BTBD9: variants seen among roughly 807,000 people sequenced by gnomAD.
BTBD9 encodes the protein BTB/POZ domain-containing protein 9.
A neutral mutation model predicts 64.3 loss-of-function variants in BTBD9; 49 were observed. The ratio of observed to expected loss-of-function variants is 0.76; its 90% CI spans 0.61 to 0.97. BTBD9 has a LOEUF of 0.97. Among genes scored for constraint, BTBD9 ranks in the 50% least tolerant of loss-of-function variants. The pLI is 0.00. For missense variants in BTBD9, 598 were observed against 762.1 expected, an observed-to-expected ratio of 0.78 and a Z score of 2.53; for synonymous variants, 260 against 274.7, an observed-to-expected ratio of 0.95 and a Z score of 0.53.
chr6:38,574,744 G>A (rs1330816309), intron 6 of BTBD9, among the ~76,000 whole-genome samples: 2 of 152,070 alleles, frequency 1.3e-5, no homozygotes, highest in East Asian at 3.9e-4. Flanking sequence ...AGGCACAATC[G>A]TATTACAACA....
At position 38,288,309 on chromosome 6, in the gene BTBD9, C is replaced by G. The variant is rs895274493; in HGVS notation, c.1417G>C (p.Val473Leu). 2 of 1,614,120 alleles carry G rather than the reference C, an allele frequency of 1.2e-6. No homozygotes were observed. The highest frequency in any genetic ancestry group is 2.2e-5 in the South Asian group (2 of 91,070). ...CHQLGSGAIV[V>L]QLAQPYMIGS... ...ATCATGTACGGTTGTGCCAACTGAA[C>G]CACAATCGCACCACTTCCTAGCTGG... The change falls in exon 8 of 11, where the codon GTT becomes CTT. Residue 473 changes from valine (V) to leucine (L), a missense_variant. Coordinates refer to ENST00000481247, the MANE Select transcript of BTBD9 (RefSeq NM_001099272.2).
At chr6:38,465,834 CTTTTTTTT>C (rs368219474) in intron 6 of BTBD9, among the ~76,000 whole-genome samples, 1 of 69,628 alleles carries the variant, frequency 1.4e-5, no homozygotes, top group Non-Finnish European at 2.7e-5. Flanking sequence ...TTCTTTTTTC[CTTTTTTTT>C]TTTTTTTTGA....
chr6:38,537,630 G>C (rs1048440814), intron 6 of BTBD9, among the ~76,000 whole-genome samples: 4 of 152,178 alleles, frequency 2.6e-5, no homozygotes, highest in Admixed American at 6.5e-5. Context: ...CCAAGGTATT[G>C]ACAATATGAC....
chr6:38,235,265 C>A (rs910211975), intron 9 of BTBD9, among the ~76,000 whole-genome samples: 2 of 152,188 alleles, frequency 1.3e-5, no homozygotes, highest in African/African-American at 4.8e-5. Flanking sequence ...CATACGTTTC[C>A]TGCAGGTAGA....
At chr6:38,542,450 C>T (rs557042517) in intron 6 of BTBD9, among the ~76,000 whole-genome samples, 5 of 152,220 alleles carry the variant, frequency 3.3e-5, no homozygotes, top group South Asian at 4.2e-4. Flanking sequence ...TCATGTTTGT[C>T]ATTACCACCC....
At chr6:38,476,156 T>G (rs1287807177) in intron 6 of BTBD9, among the ~76,000 whole-genome samples, 1 of 152,220 alleles carries the variant, frequency 6.6e-6, no homozygotes, top group African/African-American at 2.4e-5. Context: ...AAAGTAGTTT[T>G]TAAGCTTAAC....
intron 7 of BTBD9, among the ~76,000 whole-genome samples, chr6:38,291,740 A>G (rs1423603424): frequency 2.6e-5 from 4 of 152,076 alleles, no homozygotes; most frequent in Non-Finnish European, 4.4e-5. Context: ...TTCTGCGTCT[A>G]TTGAGATAAT....
At position 38,345,020 on chromosome 6, in the gene BTBD9, T is replaced by C. The variant is rs1329982951; in HGVS notation, c.1228A>G (p.Thr410Ala). The C allele has an allele frequency of 6.2e-7, 1 of 1,610,382 alleles. No individual in the cohort carries two copies. The highest frequency in any genetic ancestry group is 1.7e-5 in the Admixed American group (1 of 59,988). Residue 410 changes from threonine (T) to alanine (A), a missense_variant, in exon 7 of 11, where the codon ACA becomes GCA. Thr to Ala is a moderately conservative substitution (Grantham distance 58). Coordinates refer to ENST00000481247, the MANE Select transcript of BTBD9 (RefSeq NM_001099272.2). The stretch of plus-strand genomic sequence containing the variant: ...TTCTCAAGAGTGAAGGTTTTGTTTG[T>C]AAACATACATTCAAAAGCCACAATG... Reference protein sequence around the residue: ...FHIVAFECMFTNKTFTLEKGL... With the variant: ...FHIVAFECMFANKTFTLEKGL...
intron 6 of BTBD9, among the ~76,000 whole-genome samples, chr6:38,513,732 T>A (rs1381616823): frequency 6.6e-6 from 1 of 152,112 alleles, no homozygotes; most frequent in African/African-American, 2.4e-5. Flanking sequence ...CAAGCAAAAG[T>A]ACCAATGCCA....
At chr6:38,593,125 A>T (rs1176138490) in intron 3 of BTBD9, among the ~76,000 whole-genome samples, 2 of 152,222 alleles carry the variant, frequency 1.3e-5, no homozygotes, top group African/African-American at 4.8e-5. Flanking sequence ...AAAAAGAAAA[A>T]CGCCAAAGTG....
At position 38,349,618 on chromosome 6, in the gene BTBD9, T is replaced by C. The variant is rs184887115; in HGVS notation, c.1155-4525A>G. On this transcript the variant is annotated intron_variant, in intron 6 of 10. Transcript: ENST00000481247. ...AAACTTTACCATAGGTATGCATGCATAGGAAAACATACAGTATATATAAGG... is the reference window on the plus strand; with the variant it reads ...AAACTTTACCATAGGTATGCATGCACAGGAAAACATACAGTATATATAAGG... 4.2e-3 allele frequency among the ~76,000 whole-genome samples: 636 copies of C among 152,216 alleles called. 6 individuals carry two copies. Among genetic ancestry groups the C allele is most frequent in the African/African-American group, 0.015 (614 of 41,534 alleles).
chr6:38,193,995 T>A (rs932601164), intron 9 of BTBD9: 2 of 688,318 alleles, frequency 2.9e-6, no homozygotes, highest in African/African-American at 3.9e-5. Context: ...AATCACTGTC[T>A]CCATAAAAAT....
chr6:38,207,037 T>A (rs745538409), intron 9 of BTBD9, among the ~76,000 whole-genome samples: 23 of 152,204 alleles, frequency 1.5e-4, no homozygotes, highest in Non-Finnish European at 7.3e-5. Flanking sequence ...TCCCTTATAC[T>A]ACTTTAATTT....
chr6:38,589,794 TC>T (rs1377767517), intron 4 of BTBD9, among the ~76,000 whole-genome samples: 1 of 152,214 alleles, frequency 6.6e-6, no homozygotes, highest in Non-Finnish European at 1.5e-5. Context: ...TTTCTTGACC[TC>T]CCTATCGTGA....
intron 6 of BTBD9, among the ~76,000 whole-genome samples, chr6:38,540,637 T>A (rs1458935385): frequency 2.0e-5 from 3 of 152,168 alleles, no homozygotes; most frequent in African/African-American, 7.2e-5. Flanking sequence ...TTTTAAGTAC[T>A]AAACAAAGGC....
At chr6:38,311,916 C>T (rs1243646303) in intron 7 of BTBD9, among the ~76,000 whole-genome samples, 2 of 151,888 alleles carry the variant, frequency 1.3e-5, no homozygotes, top group Non-Finnish European at 1.5e-5. Context: ...GGCTGGAGTG[C>T]GGTGGCGCGA....
chr6:38,453,198 G>A (rs1293295192), intron 6 of BTBD9, among the ~76,000 whole-genome samples: 3 of 152,110 alleles, frequency 2.0e-5, no homozygotes, highest in East Asian at 3.8e-4. Flanking sequence ...ACCACTAATA[G>A]AGTTTAGTAT....
chr6:38,209,992 T>C (rs2127498462), intron 9 of BTBD9, among the ~76,000 whole-genome samples: 1 of 152,292 alleles, frequency 6.6e-6, no homozygotes, highest in East Asian at 1.9e-4. Context: ...CGCCAGCTCC[T>C]CATATTCTAA....
At chr6:38,299,342 C>T (rs957018282) in intron 7 of BTBD9, among the ~76,000 whole-genome samples, 9 of 152,140 alleles carry the variant, frequency 5.9e-5, no homozygotes, top group African/African-American at 2.2e-4. Flanking sequence ...TTTATAGCAG[C>T]ATGATTTATA....
Sources: allele counts gnomAD v4.1 joint callset (sites outside exome capture counted in the v4.1 genomes callset), GRCh38; gene constraint gnomAD v4.1.1; transcripts MANE v1.5; gene names NCBI Gene and HGNC (gene_info 2026-07-23, HGNC 2026-07-21).